SLC24A2: variants seen among roughly 807,000 people sequenced by gnomAD.
SLC24A2 encodes the protein solute carrier family 24 member 2.
In SLC24A2, 36 loss-of-function variants were observed where a neutral mutation model predicts 62.0. That is an observed-to-expected ratio of 0.58 (90% CI 0.44 to 0.77). The LOEUF is 0.77. Ranked by LOEUF, SLC24A2 falls within the 30% of genes least tolerant of loss-of-function variation. The pLI, the probability that SLC24A2 is intolerant of heterozygous loss-of-function variation, is 0.00. For synonymous variants in SLC24A2, 358 were observed against 294.0 expected (o/e 1.22, Z -2.23); for missense variants, 846 against 817.9 (o/e 1.03, Z -0.42).
intron 2 of SLC24A2, among the ~76,000 whole-genome samples, chr9:19,754,814 CCTG>C (rs1822090343): frequency 6.6e-6 from 1 of 152,098 alleles, no homozygotes; most frequent in African/African-American, 2.4e-5. Context: ...CGATTCCTCT[CCTG>C]CTCGACAGGC....
At chr9:20,154,234 A>G in the SLC24A2 span, among the ~76,000 whole-genome samples, 2 of 151,886 alleles carry the variant, frequency 1.3e-5, no homozygotes, top group East Asian at 3.9e-4. Flanking sequence ...TACTAAAATA[A>G]TAATAAAATC....
the SLC24A2 span, among the ~76,000 whole-genome samples, chr9:20,113,700 T>C: frequency 1.3e-5 from 2 of 152,194 alleles, no homozygotes; most frequent in Non-Finnish European, 2.9e-5. Context: ...GTGTATCCAT[T>C]ATATTAAACA....
intron 9 of SLC24A2, among the ~76,000 whole-genome samples, chr9:19,524,465 G>T (rs1375213883): frequency 1.3e-5 from 2 of 148,932 alleles, no homozygotes; most frequent in Non-Finnish European, 3.0e-5. Flanking sequence ...AAGCATTGTA[G>T]GTGAAGGGCA....
At chr9:19,947,368 AGAAGGAAG>A in the SLC24A2 span, among the ~76,000 whole-genome samples, 1 of 150,594 alleles carries the variant, frequency 6.6e-6, no homozygotes, top group Non-Finnish European at 1.5e-5. Context: ...AAGGAAGGAA[AGAAGGAAG>A]GAAGGAAGGA....
intron 3 of SLC24A2, 110 bp from the exon 4 acceptor site, chr9:19,619,802 A>C (rs768503417): frequency 4.6e-5 from 38 of 826,596 alleles, no homozygotes; most frequent in Non-Finnish European, 7.3e-5. Flanking sequence ...GCATGATCAC[A>C]CAGTATTGAG....
chr9:20,055,063 A>T, the SLC24A2 span, among the ~76,000 whole-genome samples: 1 of 152,212 alleles, frequency 6.6e-6, no homozygotes, highest in South Asian at 2.1e-4. Flanking sequence ...TGACAAGCAA[A>T]AAAAGGAGAT....
At position 19,738,585 on chromosome 9, in the gene SLC24A2, T is replaced by C. The variant is rs564549776; in HGVS notation, c.930+47352A>G. Among the ~76,000 whole-genome samples the C allele has an allele frequency of 5.9e-5, 9 of 151,986 alleles. No homozygotes were observed. In the East Asian group the frequency reaches 7.7e-4, roughly 13 times the overall value. ...TATTCAGAAAATATGGCTGTATATA[T>C]AGAAAAGTATCATTATTATTTTCAA... On this transcript the variant is annotated intron_variant, in intron 2 of 10. Coordinates refer to ENST00000341998, the MANE Select transcript of SLC24A2 (RefSeq NM_020344.4).
At chr9:19,813,888 A>G in the SLC24A2 span, among the ~76,000 whole-genome samples, 4 of 152,136 alleles carry the variant, frequency 2.6e-5, no homozygotes, top group Admixed American at 2.6e-4. Flanking sequence ...CTCATCAGAC[A>G]GTAAATCTCA....
rs142842372 is a variant in SLC24A2, at chr9:19,662,380, C to T, written c.931-40081G>A. ...CTGAGTAGCCATGTGTATTGGATAG[C>T]GCAACACTGGACCGCATGTTCTGAG... On this transcript the variant is annotated intron_variant, in intron 2 of 10. Coordinates refer to ENST00000341998, the MANE Select transcript of SLC24A2 (RefSeq NM_020344.4). Among the ~76,000 whole-genome samples the T allele has an allele frequency of 2.0e-5, 3 of 152,270 alleles. No homozygotes were observed. In the East Asian group the frequency reaches 5.8e-4, roughly 29 times the overall value.
chr9:19,760,156 C>T (rs892076770), intron 2 of SLC24A2, among the ~76,000 whole-genome samples: 3 of 152,048 alleles, frequency 2.0e-5, no homozygotes, highest in African/African-American at 7.2e-5. Context: ...AGACATTCAC[C>T]CATTACCTGT....
the SLC24A2 span, among the ~76,000 whole-genome samples, chr9:20,194,974 A>G: frequency 6.6e-6 from 1 of 152,108 alleles, no homozygotes; most frequent in African/African-American, 2.4e-5. Flanking sequence ...TAGTTTTATT[A>G]CCTAGGTATA....
chr9:19,703,212 A>G (rs1274453248), intron 2 of SLC24A2, among the ~76,000 whole-genome samples: 1 of 152,230 alleles, frequency 6.6e-6, no homozygotes, highest in Non-Finnish European at 1.5e-5. Flanking sequence ...ATGGATTAGA[A>G]TCTTAGTAAG....
intron 2 of SLC24A2, among the ~76,000 whole-genome samples, chr9:19,683,099 C>T (rs576698783): frequency 7.5e-4 from 114 of 151,922 alleles, no homozygotes; most frequent in African/African-American, 2.6e-3. Flanking sequence ...GGGCATTTGC[C>T]AAAGGGAGAG....
At chr9:19,559,083 A>C (rs895417775) in intron 7 of SLC24A2, among the ~76,000 whole-genome samples, 1 of 152,238 alleles carries the variant, frequency 6.6e-6, no homozygotes, top group Non-Finnish European at 1.5e-5. Flanking sequence ...ATAATCCAGG[A>C]AGGCACTTAC....
the SLC24A2 span, among the ~76,000 whole-genome samples, chr9:20,072,820 T>G: frequency 6.6e-6 from 1 of 152,070 alleles, no homozygotes; most frequent in Non-Finnish European, 1.5e-5. Flanking sequence ...GATTCTCCCC[T>G]CACAGCCTTC....
Position 19,722,378 on chromosome 9 carries a change from T to C in SLC24A2, c.930+63559A>G, listed in dbSNP as rs561538646. On this transcript the variant is annotated intron_variant, in intron 2 of 10. Coordinates refer to ENST00000341998, the MANE Select transcript of SLC24A2 (RefSeq NM_020344.4). ...GCTAGGTTCAACATATATTTTGGTATCACTTTAAAATAAAAATATTATGAC... is the reference window on the plus strand; with the variant it reads ...GCTAGGTTCAACATATATTTTGGTACCACTTTAAAATAAAAATATTATGAC... Among the ~76,000 whole-genome samples the C allele has an allele frequency of 1.3e-4, 20 of 152,286 alleles. No homozygotes were observed. The South Asian group carries it at 3.9e-3, about 30-fold the overall frequency.
chr9:19,774,721 GC>G (rs1822793570), intron 2 of SLC24A2, among the ~76,000 whole-genome samples: 12 of 152,222 alleles, frequency 7.9e-5, no homozygotes, highest in Admixed American at 7.2e-4. Flanking sequence ...TTACAGAGAA[GC>G]AGAAACTCAT....
At chr9:20,075,340 G>C in the SLC24A2 span, among the ~76,000 whole-genome samples, 2 of 152,160 alleles carry the variant, frequency 1.3e-5, no homozygotes, top group Non-Finnish European at 2.9e-5. Flanking sequence ...GAAAATGGAG[G>C]CTTAGAATAA....
chr9:20,123,251 T>C, the SLC24A2 span, among the ~76,000 whole-genome samples: 3 of 152,262 alleles, frequency 2.0e-5, no homozygotes, highest in South Asian at 6.2e-4. Flanking sequence ...ATCCCAATTA[T>C]GAAGGCTTTA....
Sources: gnomAD v4.1 joint callset for allele counts (sites outside exome capture counted in the v4.1 genomes callset) on GRCh38, gnomAD v4.1.1 for gene constraint, MANE v1.5 for transcripts, NCBI Gene and HGNC (gene_info 2026-07-23, HGNC 2026-07-21) for gene names.